The following CCDC7 variants were observed in gnomAD, a reference collection of about 807,000 sequenced individuals.
CCDC7 encodes the protein coiled-coil domain containing 7.
CCDC7 carries 183 observed loss-of-function variants against 196.9 expected under a neutral mutation model. The observed-to-expected ratio is 0.93, with a 90% CI of 0.82 to 1.05. The LOEUF (loss-of-function observed/expected upper bound fraction) is 1.05, where lower values mean the gene tolerates loss of function less well. Ranked by LOEUF, CCDC7 falls within the 50% of genes least tolerant of loss-of-function variation. The probability of loss-of-function intolerance (pLI) is 0.00; values close to 1 mark genes in which losing one functional copy is unlikely to be tolerated. For synonymous variants in CCDC7, 525 were observed against 484.6 expected (o/e 1.08, Z -1.10); for missense variants, 1,540 against 1,482.2 (o/e 1.04, Z -0.64).
intron 18 of CCDC7, among the ~76,000 whole-genome samples, chr10:32,613,337 T>C (rs946553084): frequency 2.0e-5 from 3 of 152,126 alleles, no homozygotes; most frequent in African/African-American, 7.2e-5. Context: ...TAGCAGTCTA[T>C]TTTGTTATTC....
chr10:32,748,555 A>C (rs2075181030), intron 28 of CCDC7, among the ~76,000 whole-genome samples: 1 of 152,184 alleles, frequency 6.6e-6, no homozygotes, highest in Non-Finnish European at 1.5e-5. Flanking sequence ...TATACTAGGA[A>C]AAGAAACTCC....
intron 9 of CCDC7, among the ~76,000 whole-genome samples, chr10:32,508,263 C>G (rs1216676436): frequency 6.6e-6 from 1 of 151,884 alleles, no homozygotes; most frequent in Non-Finnish European, 1.5e-5. Flanking sequence ...TACACACTAA[C>G]AATAACTGTG....
intron 29 of CCDC7, among the ~76,000 whole-genome samples, chr10:32,788,861 A>AGG (rs1347455075): frequency 3.9e-5 from 6 of 152,034 alleles, no homozygotes; most frequent in Non-Finnish European, 7.4e-5. Context: ...AGTGGACCCT[A>AGG]GCTACAGACC....
intron 11 of CCDC7, among the ~76,000 whole-genome samples, chr10:32,537,198 C>T (rs2050656342): frequency 6.6e-6 from 1 of 152,150 alleles, no homozygotes; most frequent in Non-Finnish European, 1.5e-5. Context: ...GGCATTCTGA[C>T]TGGTATGAGA....
At chr10:32,715,328 T>C (rs1005248533) in intron 25 of CCDC7, among the ~76,000 whole-genome samples, 1 of 152,072 alleles carries the variant, frequency 6.6e-6, no homozygotes, top group Admixed American at 6.5e-5. Context: ...GAAGGAAAAC[T>C]AACAAACAGA....
At chr10:32,727,163 C>T (rs192378645) in intron 26 of CCDC7, among the ~76,000 whole-genome samples, 184 of 152,184 alleles carry the variant, frequency 1.2e-3, no homozygotes, top group African/African-American at 4.4e-3. Flanking sequence ...TCACTTACCA[C>T]GTGTAGCGAT....
At chr10:32,597,991 C>G (rs1166178883) in intron 18 of CCDC7, among the ~76,000 whole-genome samples, 1 of 152,216 alleles carries the variant, frequency 6.6e-6, no homozygotes, top group Non-Finnish European at 1.5e-5. Context: ...GTTCTCAGAT[C>G]TCAAACTCCA....
exon 17 of CCDC7, chr10:32,583,111 TAG>T: frequency 3.2e-6 from 4 of 1,231,450 alleles, no homozygotes; most frequent in East Asian, 3.2e-5. Context: ...TCAGCATTTT[TAG>T]AGAGTTCAAA....
intron 13 of CCDC7, among the ~76,000 whole-genome samples, chr10:32,556,057 T>C (rs879650622): frequency 6.6e-6 from 1 of 152,174 alleles, no homozygotes; most frequent in Non-Finnish European, 1.5e-5. Flanking sequence ...TGTATCCTCT[T>C]GGCCCCAACA....
At chr10:32,708,766 A>G (rs1216138646) in intron 24 of CCDC7, among the ~76,000 whole-genome samples, 4 of 152,234 alleles carry the variant, frequency 2.6e-5, no homozygotes, top group Non-Finnish European at 4.4e-5. Context: ...CAAAACCACA[A>G]TGAGATACCA....
intron 18 of CCDC7, among the ~76,000 whole-genome samples, chr10:32,591,140 A>G (rs1353995801): frequency 2.0e-5 from 3 of 152,056 alleles, no homozygotes; most frequent in African/African-American, 7.2e-5. Flanking sequence ...GATGCCAATA[A>G]TGCTTAAATT....
chr10:32,842,633 A>G (rs1296345651), intron 33 of CCDC7, among the ~76,000 whole-genome samples: 1 of 152,044 alleles, frequency 6.6e-6, no homozygotes, highest in Non-Finnish European at 1.5e-5. Flanking sequence ...ACAAAAATAT[A>G]CTTGCACACA....
intron 18 of CCDC7, among the ~76,000 whole-genome samples, chr10:32,615,119 A>G (rs1424091567): frequency 1.3e-5 from 2 of 152,120 alleles, no homozygotes; most frequent in Non-Finnish European, 2.9e-5. Context: ...CTTTGCTATT[A>G]TGAATAATTC....
intron 41 of CCDC7, among the ~76,000 whole-genome samples, chr10:32,872,123 C>A (rs917970640): frequency 3.3e-5 from 5 of 151,952 alleles, no homozygotes; most frequent in Admixed American, 2.6e-4. Context: ...CTATTAGTTC[C>A]GCTTGGTGCA....
chr10:32,684,315 C>T (rs2076216925), intron 21 of CCDC7, among the ~76,000 whole-genome samples: 1 of 152,164 alleles, frequency 6.6e-6, no homozygotes, highest in South Asian at 2.1e-4. Flanking sequence ...TCCACATGGG[C>T]CTGAATAGCG....
intron 11 of CCDC7, among the ~76,000 whole-genome samples, chr10:32,540,364 A>G (rs1042189240): frequency 7.2e-5 from 11 of 152,040 alleles, no homozygotes; most frequent in African/African-American, 2.7e-4. Flanking sequence ...CCTGTTTTCC[A>G]TGTGCATGGT....
At chr10:32,763,764 T>C (rs1053534790) in intron 28 of CCDC7, among the ~76,000 whole-genome samples, 3 of 151,834 alleles carry the variant, frequency 2.0e-5, no homozygotes, top group South Asian at 2.1e-4. Context: ...ATGTTGAATC[T>C]AAAAAGTCAT....
At chr10:32,594,845 A>T (rs1217081789) in intron 18 of CCDC7, among the ~76,000 whole-genome samples, 1 of 152,156 alleles carries the variant, frequency 6.6e-6, no homozygotes, top group African/African-American at 2.4e-5. Context: ...TATATGATGG[A>T]TTACGTTTAT....
intron 37 of CCDC7, among the ~76,000 whole-genome samples, chr10:32,847,589 C>A (rs1219265666): frequency 1.3e-5 from 2 of 151,944 alleles, no homozygotes; most frequent in Admixed American, 6.6e-5. Flanking sequence ...GTGGTGCACA[C>A]CTGTAGTCCC....
Sources: gnomAD v4.1 joint callset for allele counts (sites outside exome capture counted in the v4.1 genomes callset) on GRCh38, gnomAD v4.1.1 for gene constraint, MANE v1.5 for transcripts, NCBI Gene and HGNC (gene_info 2026-07-23, HGNC 2026-07-21) for gene names.